Variants in JAKMIP3 observed in about 807,000 individuals in gnomAD.
The protein encoded by JAKMIP3 is Janus kinase and microtubule interacting protein 3.
Under a neutral mutation model 118.5 loss-of-function variants are expected in JAKMIP3, and 58 were observed. The observed-to-expected ratio is 0.49, with a 90% confidence interval of 0.40 to 0.61. JAKMIP3 has a LOEUF of 0.61. Ranked by LOEUF, JAKMIP3 falls within the 20% of genes least tolerant of loss-of-function variation. The pLI is 0.00. For missense variants in JAKMIP3, 950 were observed against 1,109.0 expected (o/e 0.86, Z 2.04); for synonymous variants, 486 against 451.2 (o/e 1.08, Z -0.98).
rs977329752 is a variant in JAKMIP3, at chr10:132,167,936, C to T, written c.*23-17C>T. On this transcript the variant is annotated splice_polypyrimidine_tract_variant and intron_variant, in intron 22 of 23. Transcript: ENST00000684848. Reference sequence around the variant, plus strand: ...GGAGCCTCGCTGACTCTGCACTCTACGTTTCATTTCTTCCAGCCCCACATT... The same window carrying T: ...GGAGCCTCGCTGACTCTGCACTCTATGTTTCATTTCTTCCAGCCCCACATT... 24 of 1,288,386 alleles carry T rather than the reference C, an allele frequency of 1.9e-5. No homozygotes were observed. The East Asian group carries it at 2.2e-4, about 12-fold the overall frequency. The allele number at this position is 1,288,386 out of a possible 1,614,324, so 79.8% of individuals were successfully genotyped here. A position where few individuals can be genotyped will look rare whatever the true frequency, so the allele number is the denominator to read the frequency against.
rs2059163551 is a variant in JAKMIP3, at chr10:132,168,455, G to T, written c.*525G>T. ...GGGAACCTGGAGGCTCCCTGGGATGGTCCTGGGAGGGCTCCCCGACGCCTC... is the reference window on the plus strand; with the variant it reads ...GGGAACCTGGAGGCTCCCTGGGATGTTCCTGGGAGGGCTCCCCGACGCCTC... On this transcript the variant is annotated 3_prime_UTR_variant, in exon 23 of 24. Transcript: ENST00000684848. 8.1e-7 allele frequency: 1 copy of T among 1,230,476 alleles called. No individual in the cohort carries two copies. The highest frequency in any genetic ancestry group is 1.1e-6 in the Non-Finnish European group (1 of 943,424). The allele number at this position is 1,230,476 out of a possible 1,614,324, so 76.2% of individuals were successfully genotyped here.
intron 1 of JAKMIP3, among the ~76,000 whole-genome samples, chr10:132,095,549 C>T (rs2043737639): frequency 6.6e-6 from 1 of 152,172 alleles, no homozygotes; most frequent in African/African-American, 2.4e-5. Context: ...CTTGGGCACT[C>T]ACAGTATTTG....
intron 23 of JAKMIP3, among the ~76,000 whole-genome samples, chr10:132,178,867 G>A (rs756031930): frequency 2.0e-5 from 3 of 152,216 alleles, no homozygotes; most frequent in African/African-American, 7.2e-5. Context: ...ACACACAGAC[G>A]GCAGGGGCCT....
At chr10:132,045,395 G>A (rs1214873674) in intron 1 of JAKMIP3, among the ~76,000 whole-genome samples, 4 of 152,094 alleles carry the variant, frequency 2.6e-5, no homozygotes, top group South Asian at 4.1e-4. Context: ...GAGAGGGTCC[G>A]AGGCTGACTT....
At chr10:132,138,091 A>T in intron 8 of JAKMIP3, 28 bp from the exon 9 acceptor site, 1 of 1,606,414 alleles carries the variant, frequency 6.2e-7, no homozygotes. Flanking sequence ...TCTACCACTT[A>T]CACAACCTCT....
intron 23 of JAKMIP3, among the ~76,000 whole-genome samples, chr10:132,180,064 C>T (rs2060582672): frequency 6.6e-6 from 1 of 152,224 alleles, no homozygotes; most frequent in Admixed American, 6.5e-5. Flanking sequence ...CACCCACTAA[C>T]ATGCCAGGCC....
intron 2 of JAKMIP3, among the ~76,000 whole-genome samples, chr10:132,114,827 A>G (rs1390797126): frequency 6.6e-6 from 1 of 152,170 alleles, no homozygotes. Context: ...GTTTTCTAAC[A>G]CGTCATCAAA....
rs1312362314 is a variant in JAKMIP3, at chr10:132,118,004, C to T, written c.633+430C>T. Among the ~76,000 whole-genome samples the T allele has an allele frequency of 6.6e-6, 1 of 152,206 alleles. No homozygotes were observed. The highest frequency in any genetic ancestry group is 2.4e-5 in the African/African-American group (1 of 41,442). On this transcript the variant is annotated intron_variant, in intron 3 of 23. Coordinates refer to ENST00000684848, the MANE Select transcript of JAKMIP3 (RefSeq NM_001323087.2). This position sits in a 1 kb window ranked among gnomAD's most constrained non-coding sequence, Gnocchi z 4.8. ...TCAGTGTTTCGCAGCAGGAGTCCCA[C>T]ACATCCTCACGGGGGGACTCAGAGG...
In JAKMIP3 at chr10:132,168,171, C is replaced by G. The variant is rs534055507; in HGVS notation, c.*241C>G. ...CTCTGCCGACTTCTCGGGGGCTTCTCCGGGACGGGCCTGGCCTTGGCTGCT... is the reference window on the plus strand; with the variant it reads ...CTCTGCCGACTTCTCGGGGGCTTCTGCGGGACGGGCCTGGCCTTGGCTGCT... On this transcript the variant is annotated 3_prime_UTR_variant, in exon 23 of 24. Transcript: ENST00000684848. The G allele has an allele frequency of 6.2e-6, 8 of 1,286,578 alleles. No homozygotes were observed. In the East Asian group the frequency reaches 4.5e-4, roughly 72 times the overall value. 79.7% of individuals were successfully genotyped at this position (1,286,578 alleles called of 1,614,324 possible).
intron 17 of JAKMIP3, 31 bp downstream of exon 17, chr10:132,153,054 G>A (rs1442040295): frequency 1.9e-6 from 3 of 1,566,146 alleles, no homozygotes; most frequent in Non-Finnish European, 2.6e-6. Flanking sequence ...AGTCGGGAGA[G>A]GGCCGGGCTC....
chr10:132,072,517 A>T (rs2040123040), intron 1 of JAKMIP3, among the ~76,000 whole-genome samples: 1 of 152,190 alleles, frequency 6.6e-6, no homozygotes, highest in Non-Finnish European at 1.5e-5. Context: ...CCTGGGGGAC[A>T]GATCAACAGC....
chr10:132,050,523 T>C (rs758866633), intron 1 of JAKMIP3, among the ~76,000 whole-genome samples: 1 of 152,204 alleles, frequency 6.6e-6, no homozygotes, highest in Non-Finnish European at 1.5e-5. Flanking sequence ...ACTCAGTTAC[T>C]TAGCAGTTTT....
At chr10:132,122,019 CTT>C (rs1385471874) in intron 3 of JAKMIP3, among the ~76,000 whole-genome samples, 1 of 152,234 alleles carries the variant, frequency 6.6e-6, no homozygotes, top group Admixed American at 6.5e-5. Context: ...AGCCTCCTGT[CTT>C]TACTTTGGGT....
intron 23 of JAKMIP3, among the ~76,000 whole-genome samples, chr10:132,180,767 G>GTGTGTATGCA (rs1554963472): frequency 3.4e-5 from 1 of 29,458 alleles, no homozygotes; most frequent in African/African-American, 1.3e-4. Context: ...GTGCGTGTGT[G>GTGTGTATGCA]TGCGTGTGTG....
chr10:132,100,755 G>A (rs985386365), intron 1 of JAKMIP3, among the ~76,000 whole-genome samples: 4 of 152,146 alleles, frequency 2.6e-5, no homozygotes, highest in African/African-American at 7.2e-5. Flanking sequence ...TTTAGGATGC[G>A]AGGCGAGACT....
In JAKMIP3 at chr10:132,103,724, C is replaced by T. The variant is rs555520160; in HGVS notation, c.-137-948C>T. ...GCCTGACCATGGATTGGTGCCTGTC[C>T]GTGGCCTGTTAGAAGCTGGGCCATA... On this transcript the variant is annotated intron_variant, in intron 1 of 23. Transcript: ENST00000684848. Among the ~76,000 whole-genome samples, 239 of 152,126 alleles carry T rather than the reference C, an allele frequency of 1.6e-3. 1 individual carries two copies. The highest frequency in any genetic ancestry group is 3.0e-3 in the Non-Finnish European group (204 of 67,982).
At chr10:132,036,742 A>G (rs2037510122) in intron 1 of JAKMIP3, among the ~76,000 whole-genome samples, 2 of 150,698 alleles carry the variant, frequency 1.3e-5, no homozygotes, top group Admixed American at 1.3e-4. Context: ...AGCCTCGGTG[A>G]GCAGCGGCCG....
chr10:132,149,581 C>T (rs867129774), intron 15 of JAKMIP3, 71 bp downstream of exon 15: 17 of 410,582 alleles, frequency 4.1e-5, no homozygotes, highest in East Asian at 2.3e-4. Context: ...TCTCCGCCCC[C>T]GCCCCACCCC....
At chr10:132,160,483 C>G (rs1480649206) in intron 19 of JAKMIP3, among the ~76,000 whole-genome samples, 35 of 21,530 alleles carry the variant, frequency 1.6e-3, no homozygotes, top group Non-Finnish European at 1.9e-3. Context: ...GGGACCTCTC[C>G]CTGTGTGATG....
Sources: allele counts gnomAD v4.1 joint callset (sites outside exome capture counted in the v4.1 genomes callset), GRCh38; gene constraint gnomAD v4.1.1; non-coding constraint Gnocchi (gnomAD v3.1); transcripts MANE v1.5; gene names NCBI Gene and HGNC (gene_info 2026-07-23, HGNC 2026-07-21).